Variants in ATRX observed in about 807,000 individuals in gnomAD.
ATRX encodes ATRX chromatin remodeler, also known as chromatin remodeler ATRX.
ATRX carries 12 observed loss-of-function variants against 172.6 expected under a neutral mutation model. The ratio of observed to expected loss-of-function variants is 0.07; its 90% CI spans 0.04 to 0.11. ATRX has a LOEUF of 0.11. Ranked by LOEUF, ATRX falls within the 10% of genes least tolerant of loss-of-function variation. The probability of loss-of-function intolerance (pLI) is 1.00; values close to 1 mark genes in which losing one functional copy is unlikely to be tolerated. For synonymous variants in ATRX, 674 were observed against 594.7 expected, an observed-to-expected ratio of 1.13 and a Z score of -1.94; for missense variants, 1,368 against 1,767.4, an observed-to-expected ratio of 0.77 and a Z score of 4.05.
chrX:77,719,129 T>A (rs782603749), intron 1 of ATRX, among the ~76,000 whole-genome samples: 1 of 110,939 alleles, frequency 9.0e-6, no homozygotes, highest in African/African-American at 3.3e-5. Flanking sequence ...AACTTTTGCA[T>A]GTCAAAGGGC....
At chrX:77,644,071 C>G (rs1161977738) in intron 15 of ATRX, among the ~76,000 whole-genome samples, 1 of 112,078 alleles carries the variant, frequency 8.9e-6, no homozygotes, top group Non-Finnish European at 1.9e-5. Flanking sequence ...TCCCGAGTAG[C>G]TGGGATTGCA....
intron 1 of ATRX, among the ~76,000 whole-genome samples, chrX:77,778,181 T>A (rs2076425643): frequency 9.2e-6 from 1 of 108,127 alleles, no homozygotes; most frequent in Non-Finnish European, 1.9e-5. Flanking sequence ...ACTAAAATTA[T>A]CAGGCCCATT....
chrX:77,654,026 G>C (rs991541059), intron 14 of ATRX, 72 bp downstream of exon 14: 35 of 855,751 alleles, frequency 4.1e-5, no homozygotes, highest in Admixed American at 3.3e-4. Context: ...ATGGAACAGA[G>C]AGGTAACAGC....
intron 33 of ATRX, 147 bp downstream of exon 33, chrX:77,521,256 G>A (rs1229985445): frequency 3.2e-5 from 16 of 496,592 alleles, no homozygotes; most frequent in Non-Finnish European, 5.2e-5. Context: ...GCTGGGTTAC[G>A]GTTTGGCATT....
chrX:77,714,223 G>T (rs1291466045), intron 2 of ATRX, among the ~76,000 whole-genome samples: 1 of 111,043 alleles, frequency 9.0e-6, no homozygotes, highest in Non-Finnish European at 1.9e-5. Flanking sequence ...ACTGAATTCT[G>T]CCAACAACCT....
intron 2 of ATRX, among the ~76,000 whole-genome samples, chrX:77,716,405 T>TA (rs1421004196): frequency 9.8e-6 from 1 of 101,861 alleles, no homozygotes; most frequent in East Asian, 3.0e-4. Context: ...GGTTTTATTT[T>TA]AAAAAATAAA....
At chrX:77,756,181 G>A (rs1379833296) in intron 1 of ATRX, among the ~76,000 whole-genome samples, 3 of 111,476 alleles carry the variant, frequency 2.7e-5, no homozygotes, top group African/African-American at 9.8e-5. Context: ...CTCAGTAATG[G>A]CAGACGCCCC....
intron 22 of ATRX, among the ~76,000 whole-genome samples, chrX:77,612,609 T>G (rs2067205018): frequency 9.0e-6 from 1 of 111,525 alleles, no homozygotes; most frequent in Non-Finnish European, 1.9e-5. Flanking sequence ...AATAAAAAAT[T>G]TACTGTTTTA....
chrX:77,599,196 A>G (rs1263832305), intron 25 of ATRX, among the ~76,000 whole-genome samples: 1 of 111,814 alleles, frequency 8.9e-6, no homozygotes, highest in Non-Finnish European at 1.9e-5. Flanking sequence ...TTTTCTTTTT[A>G]CCTTTCCCCC....
chrX:77,754,567 G>A (rs183790302), intron 1 of ATRX, among the ~76,000 whole-genome samples: 110 of 111,814 alleles, frequency 9.8e-4, no homozygotes, highest in Non-Finnish European at 1.5e-3. Flanking sequence ...TTGATTGTCC[G>A]TAAAGGATTT....
intron 28 of ATRX, among the ~76,000 whole-genome samples, chrX:77,571,217 G>A (rs1334054048): frequency 1.8e-5 from 2 of 111,773 alleles, no homozygotes; most frequent in African/African-American, 6.5e-5. Context: ...TTATCCTAGA[G>A]AAATGAAAAC....
intron 1 of ATRX, among the ~76,000 whole-genome samples, chrX:77,784,777 A>G (rs1557206909): frequency 8.9e-6 from 1 of 112,126 alleles, no homozygotes; most frequent in African/African-American, 3.2e-5. Flanking sequence ...TACGTATCAT[A>G]GGCTCATTGC....
intron 9 of ATRX, among the ~76,000 whole-genome samples, chrX:77,677,112 CA>C (rs781922329): frequency 0.016 from 1,330 of 84,392 alleles, 15 homozygotes; most frequent in South Asian, 0.052. Context: ...ACAACTCTCT[CA>C]AAAAAAAAAA....
chrX:77,519,965 T>C (rs782716334), intron 34 of ATRX, among the ~76,000 whole-genome samples: 1 of 112,201 alleles, frequency 8.9e-6, no homozygotes, highest in Non-Finnish European at 1.9e-5. Context: ...AATGGAGTAC[T>C]ATTCAGCCAT....
intron 28 of ATRX, among the ~76,000 whole-genome samples, chrX:77,570,011 C>A (rs1477461367): frequency 9.0e-6 from 1 of 111,444 alleles, no homozygotes; most frequent in African/African-American, 3.3e-5. Context: ...GATATTAAGG[C>A]TTAGTACACA....
At chrX:77,619,044 C>A (rs2148261509) in intron 20 of ATRX, 63 bp from the exon 21 acceptor site, 1 of 853,958 alleles carries the variant, frequency 1.2e-6, no homozygotes, top group Non-Finnish European at 1.7e-6. Flanking sequence ...TAGAAAAATT[C>A]CCCAATGAAA....
intron 27 of ATRX, chrX:77,575,519 T>C (rs1263410019): frequency 1.8e-5 from 2 of 111,670 alleles, no homozygotes; most frequent in Non-Finnish European, 3.8e-5. Flanking sequence ...TGGAAAATGA[T>C]ATGACTATTT....
intron 1 of ATRX, among the ~76,000 whole-genome samples, chrX:77,752,840 T>C (rs1277945039): frequency 9.0e-6 from 1 of 111,697 alleles, no homozygotes; most frequent in Non-Finnish European, 1.9e-5. Context: ...GTGGATAAGC[T>C]TTTTGATGTG....
chrX:77,730,888 C>T (rs1164080405), intron 1 of ATRX, among the ~76,000 whole-genome samples: 5 of 109,888 alleles, frequency 4.6e-5, no homozygotes, highest in African/African-American at 1.6e-4. Context: ...AGAAGAAATA[C>T]TTCAAATAAA....
Sources: gnomAD v4.1 joint callset for allele counts (sites outside exome capture counted in the v4.1 genomes callset) on GRCh38, gnomAD v4.1.1 for gene constraint, MANE v1.5 for transcripts, NCBI Gene and HGNC (gene_info 2026-07-23, HGNC 2026-07-21) for gene names.